CIBAR1: variants seen among roughly 807,000 people sequenced by gnomAD.
CIBAR1 encodes the protein CBY1 interacting BAR domain containing 1, also known as CBY1-interacting BAR domain-containing protein 1.
Under a neutral mutation model 44.0 loss-of-function variants are expected in CIBAR1, and 25 were observed. That is an observed-to-expected ratio of 0.57 (90% CI 0.41 to 0.79). CIBAR1 has a LOEUF of 0.79. CIBAR1 is among the 30% of genes least tolerant of loss of function. The pLI, the probability that CIBAR1 is intolerant of heterozygous loss-of-function variation, is 0.00. For missense variants in CIBAR1, 278 were observed against 344.8 expected (o/e 0.81, Z 1.53); for synonymous variants, 115 against 119.0 (o/e 0.97, Z 0.22).
intron 2 of CIBAR1, among the ~76,000 whole-genome samples, chr8:93,702,769 A>G (rs1275569589): frequency 6.6e-6 from 1 of 152,192 alleles, no homozygotes; most frequent in Non-Finnish European, 1.5e-5. Context: ...AAAAATCAAT[A>G]TGAAATTAAG....
rs182739980 is a variant in CIBAR1, at chr8:93,712,484, G to A, written c.543+2609G>A. Among the ~76,000 whole-genome samples, 436 of 152,170 alleles carry A rather than the reference G, an allele frequency of 2.9e-3. 5 individuals carry two copies. The highest frequency in any genetic ancestry group is 9.2e-3 in the African/African-American group (382 of 41,522). Reference sequence around the variant, plus strand: ...CGGTGGTTTCCACCTTTTGGCTATTGTGAATGCTAATATAAACATTTATGT... The same window carrying A: ...CGGTGGTTTCCACCTTTTGGCTATTATGAATGCTAATATAAACATTTATGT... On this transcript the variant is annotated intron_variant, in intron 6 of 8. Coordinates refer to ENST00000518322, the MANE Select transcript of CIBAR1 (RefSeq NM_145269.5).
At chr8:93,724,906 A>G (rs1315999419) in intron 7 of CIBAR1, among the ~76,000 whole-genome samples, 2 of 152,202 alleles carry the variant, frequency 1.3e-5, no homozygotes, top group Non-Finnish European at 2.9e-5. Context: ...GAGCATGAAT[A>G]CAGCTATCAC....
intron 7 of CIBAR1, chr8:93,720,652 C>G (rs1586285856): frequency 6.6e-6 from 1 of 152,220 alleles, no homozygotes; most frequent in Admixed American, 6.5e-5. Context: ...GGGTGGATCA[C>G]CTGAGGTCAG....
At chr8:93,705,059 C>G in intron 4 of CIBAR1, 49 bp downstream of exon 4, 1 of 1,214,546 alleles carries the variant, frequency 8.2e-7, no homozygotes, top group Non-Finnish European at 1.2e-6. Flanking sequence ...GTATGGAGTA[C>G]AAAAGTAAAT....
At position 93,718,809 on chromosome 8, in the gene CIBAR1, G is replaced by A. The variant is rs1287716873; in HGVS notation, c.657+21G>A. The A allele has an allele frequency of 4.5e-6, 6 of 1,331,400 alleles. No individual in the cohort carries two copies. The East Asian group carries it at 1.2e-4, about 28-fold the overall frequency. The allele number at this position is 1,331,400 out of a possible 1,614,324, so 82.5% of individuals were successfully genotyped here. A position where few individuals can be genotyped will look rare whatever the true frequency, so the allele number is the denominator to read the frequency against. ...TAGAGGTAGGACTATGTCTATCTAAGCTCAGTTCTTCTGTTAATGTGGAAA... is the reference window on the plus strand; with the variant it reads ...TAGAGGTAGGACTATGTCTATCTAAACTCAGTTCTTCTGTTAATGTGGAAA... On this transcript the variant is annotated intron_variant, in intron 7 of 8. Coordinates refer to ENST00000518322, the MANE Select transcript of CIBAR1 (RefSeq NM_145269.5).
At chr8:93,709,246 C>T (rs1294353469) in intron 5 of CIBAR1, among the ~76,000 whole-genome samples, 2 of 152,070 alleles carry the variant, frequency 1.3e-5, no homozygotes, top group Non-Finnish European at 2.9e-5. Flanking sequence ...TGCCACTGCA[C>T]TCTAGCCTGG....
intron 7 of CIBAR1, among the ~76,000 whole-genome samples, chr8:93,721,796 A>T (rs1811273757): frequency 6.8e-6 from 1 of 146,378 alleles, no homozygotes; most frequent in Non-Finnish European, 1.5e-5. Flanking sequence ...CTGTGTAATG[A>T]TTTTTTTATA....
intron 8 of CIBAR1, 63 bp from the exon 9 acceptor site, chr8:93,728,142 C>G (rs1811616694): frequency 9.7e-7 from 1 of 1,025,820 alleles, no homozygotes; most frequent in Admixed American, 3.2e-5. Flanking sequence ...AAAAATATAC[C>G]AAGAATGTAA....
At chr8:93,725,081 CAA>C (rs1408591911) in intron 7 of CIBAR1, among the ~76,000 whole-genome samples, 2 of 152,078 alleles carry the variant, frequency 1.3e-5, no homozygotes, top group Non-Finnish European at 2.9e-5. Flanking sequence ...CTCCCAGGCT[CAA>C]GTGATTCTCC....
intron 6 of CIBAR1, among the ~76,000 whole-genome samples, chr8:93,711,232 C>T (rs1810812049): frequency 6.6e-6 from 1 of 152,170 alleles, no homozygotes; most frequent in Admixed American, 6.5e-5. Flanking sequence ...CTTTTTGGCT[C>T]ACTGAAGATT....
chr8:93,710,364 T>G (rs1416074275), intron 6 of CIBAR1, among the ~76,000 whole-genome samples: 5 of 151,734 alleles, frequency 3.3e-5, no homozygotes, highest in African/African-American at 1.2e-4. Context: ...TTTTTTTTAG[T>G]AGAAACAGTG....
At chr8:93,700,841 C>T (rs1020529239) in intron 1 of CIBAR1, 168 bp downstream of exon 1, 2 of 1,313,490 alleles carry the variant, frequency 1.5e-6, no homozygotes, top group African/African-American at 3.1e-5. Context: ...GCAGCCACCG[C>T]CGGCGGCGAA....
At chr8:93,714,489 G>A (rs1463312971) in intron 6 of CIBAR1, among the ~76,000 whole-genome samples, 2 of 152,238 alleles carry the variant, frequency 1.3e-5, no homozygotes, top group East Asian at 3.9e-4. Context: ...GTCTGTTAGG[G>A]TTCTGAATCT....
In CIBAR1 at chr8:93,728,765, T is replaced by C. The variant is rs1811666291; in HGVS notation, c.*468T>C. 1 of 152,088 alleles carries C rather than the reference T, an allele frequency of 6.6e-6. No homozygotes were observed. 9.4% of individuals were successfully genotyped at this position (152,088 alleles called of 1,614,324 possible). A position where few individuals can be genotyped will look rare whatever the true frequency, so the allele number is the denominator to read the frequency against. On this transcript the variant is annotated 3_prime_UTR_variant, in exon 9 of 9. Coordinates refer to ENST00000518322, the MANE Select transcript of CIBAR1 (RefSeq NM_145269.5). Reference sequence around the variant, plus strand: ...TTTAACTTTCCCTGAAACTTTATCATTTGATAAGTAAATTTACTTTTCAAG... The same window carrying C: ...TTTAACTTTCCCTGAAACTTTATCACTTGATAAGTAAATTTACTTTTCAAG...
chr8:93,704,086 T>C (rs1016213294), intron 3 of CIBAR1, among the ~76,000 whole-genome samples: 1 of 150,856 alleles, frequency 6.6e-6, no homozygotes, highest in Admixed American at 6.6e-5. Context: ...AGAAAAGAAA[T>C]ACAAAGTAGT....
At chr8:93,705,323 C>A (rs1418619561) in intron 4 of CIBAR1, 3 of 344,992 alleles carry the variant, frequency 8.7e-6, no homozygotes, top group Non-Finnish European at 1.5e-5. Context: ...ATTAATTCTA[C>A]AATTAAAGAT....
intron 2 of CIBAR1, among the ~76,000 whole-genome samples, chr8:93,703,414 G>T (rs1380610911): frequency 6.6e-6 from 1 of 152,162 alleles, no homozygotes; most frequent in Non-Finnish European, 1.5e-5. Flanking sequence ...GATGTGGCCA[G>T]GATGAGCTCC....
At chr8:93,725,411 G>A (rs1002814093) in intron 7 of CIBAR1, among the ~76,000 whole-genome samples, 1 of 152,132 alleles carries the variant, frequency 6.6e-6, no homozygotes, top group African/African-American at 2.4e-5. Flanking sequence ...TAGCATTTAA[G>A]TTTCAGGAAG....
intron 6 of CIBAR1, among the ~76,000 whole-genome samples, chr8:93,718,006 G>A (rs974018950): frequency 3.3e-5 from 5 of 152,082 alleles, no homozygotes; most frequent in South Asian, 4.1e-4. Flanking sequence ...GATTGATTCC[G>A]GCAAGAACAG....
Sources: allele counts gnomAD v4.1 joint callset (sites outside exome capture counted in the v4.1 genomes callset), GRCh38; gene constraint gnomAD v4.1.1; transcripts MANE v1.5; gene names NCBI Gene and HGNC (gene_info 2026-07-23, HGNC 2026-07-21).